CAPN5: variants seen among roughly 807,000 people sequenced by gnomAD.
CAPN5 encodes the protein calpain 5, also known as calpain-5.
In CAPN5, 54 loss-of-function variants were observed where a neutral mutation model predicts 73.0. The observed-to-expected ratio is 0.74, with a 90% CI of 0.59 to 0.93. CAPN5 has a LOEUF of 0.93. CAPN5 is among the 40% of genes least tolerant of loss of function. The probability of loss-of-function intolerance (pLI) is 0.00; values close to 1 mark genes in which losing one functional copy is unlikely to be tolerated. For synonymous variants in CAPN5, 335 were observed against 356.9 expected (o/e 0.94, Z 0.69); for missense variants, 785 against 882.9 (o/e 0.89, Z 1.41).
rs375702967 is a variant in CAPN5 at position 77,122,052 on chromosome 11, G to T, written c.1603+3G>T. ...TGGCCTCAAGGACTCCCCAACAGGTGAGCTCTCCCAGGGAGAGTCCCCCGG... is the reference window on the plus strand; with the variant it reads ...TGGCCTCAAGGACTCCCCAACAGGTTAGCTCTCCCAGGGAGAGTCCCCCGG... On this transcript the variant is annotated splice_donor_region_variant and intron_variant, in intron 11 of 12. Transcript: ENST00000648180. The T allele has an allele frequency of 9.8e-6, 15 of 1,533,996 alleles. 1 individual carries two copies. The Admixed American group carries it at 2.0e-4, about 20-fold the overall frequency.
At chr11:77,088,749 C>T (rs1555036046) in intron 2 of CAPN5, among the ~76,000 whole-genome samples, 2 of 152,110 alleles carry the variant, frequency 1.3e-5, no homozygotes, top group Non-Finnish European at 2.9e-5. Context: ...AGCCCAGGTG[C>T]CATGGATCCA....
chr11:77,079,048 C>T (rs1312032283), intron 1 of CAPN5, among the ~76,000 whole-genome samples: 4 of 152,076 alleles, frequency 2.6e-5, no homozygotes, highest in Admixed American at 2.6e-4. Context: ...TCGTGTATCA[C>T]ATTTATTGAT....
intron 1 of CAPN5, among the ~76,000 whole-genome samples, chr11:77,071,336 G>A (rs782073904): frequency 6.6e-6 from 1 of 152,226 alleles, no homozygotes; most frequent in Non-Finnish European, 1.5e-5. Flanking sequence ...TGGCACAGCC[G>A]CATGGGTGGT....
Position 77,093,816 on chromosome 11 carries a change from G to A in CAPN5, c.297+3G>A, listed in dbSNP as rs782631237. 7.5e-6 allele frequency: 12 copies of A among 1,608,900 alleles called. No homozygotes were observed. Among genetic ancestry groups the A allele is most frequent in the East Asian group, 6.7e-5 (3 of 44,892 alleles). Reference sequence around the variant, plus strand: ...CCCGGGAGTCGCTGTGGCAAAAGGTGAGGCCTCGGGCAGAGTGGGCAGGGT... The same window carrying A: ...CCCGGGAGTCGCTGTGGCAAAAGGTAAGGCCTCGGGCAGAGTGGGCAGGGT... On this transcript the variant is annotated splice_donor_region_variant and intron_variant, in intron 3 of 12. Coordinates refer to ENST00000648180, the MANE Select transcript of CAPN5 (RefSeq NM_004055.5).
intron 3 of CAPN5, among the ~76,000 whole-genome samples, chr11:77,095,183 G>A (rs983026632): frequency 1.3e-5 from 2 of 152,336 alleles, no homozygotes; most frequent in South Asian, 2.1e-4. Context: ...AGAGCCACCC[G>A]TTGGCTCATT....
intron 3 of CAPN5, chr11:77,102,969 A>C (rs781954782): frequency 6.2e-7 from 1 of 1,613,294 alleles, no homozygotes; most frequent in South Asian, 1.1e-5. Context: ...GGATGGGGAG[A>C]AGCTGCTGCA....
At chr11:77,074,922 C>T (rs948974) in intron 1 of CAPN5, among the ~76,000 whole-genome samples, 87,367 of 152,068 alleles carry the variant, frequency 0.57, 25,966 homozygotes, top group Middle Eastern at 0.66. Context: ...TCCCACTCGG[C>T]CCTGGAACCC....
intron 3 of CAPN5, among the ~76,000 whole-genome samples, chr11:77,099,913 C>A (rs1366714599): frequency 1.3e-5 from 2 of 152,136 alleles, no homozygotes; most frequent in Non-Finnish European, 2.9e-5. Flanking sequence ...CACGGCTCAC[C>A]GTAACCTCCA....
At position 77,112,706 on chromosome 11, in the gene CAPN5, C is replaced by G; in HGVS notation, c.415C>G (p.Arg139Gly). The change falls in exon 4 of 13, where the codon CGG (arginine) becomes GGG (glycine). Residue 139 changes from arginine to glycine, a missense_variant. Arg to Gly is a moderately radical substitution (Grantham distance 125, BLOSUM62 -2). Coordinates refer to ENST00000648180, the MANE Select transcript of CAPN5 (RefSeq NM_004055.5). The part of the protein sequence containing the change: ...GEWVDVVIDD[R>G]LPTVNNQLIY... ...ATGGGTGGACGTGGTCATCGATGAC[C>G]GGCTGCCCACAGTCAACAACCAGCT... 4 of 1,614,234 alleles carry G rather than the reference C, an allele frequency of 2.5e-6. No homozygotes were observed. The highest frequency in any genetic ancestry group is 3.4e-6 in the Non-Finnish European group (4 of 1,180,034).
intron 1 of CAPN5, among the ~76,000 whole-genome samples, chr11:77,076,652 A>G (rs1555033955): frequency 6.6e-6 from 1 of 152,190 alleles, no homozygotes; most frequent in Non-Finnish European, 1.5e-5. Context: ...TTCACTTAGT[A>G]TATTGCCTTC....
chr11:77,099,752 G>C (rs1309509536), intron 3 of CAPN5, among the ~76,000 whole-genome samples: 1 of 149,516 alleles, frequency 6.7e-6, no homozygotes, highest in African/African-American at 2.5e-5. Flanking sequence ...AGAGGGAGAC[G>C]GAGAGGGAGA....
chr11:77,105,561 G>C (rs1950337206), intron 3 of CAPN5, among the ~76,000 whole-genome samples: 1 of 152,198 alleles, frequency 6.6e-6, no homozygotes, highest in Non-Finnish European at 1.5e-5. Context: ...GTGGATGGAA[G>C]GGCAGAGTTT....
rs58077755 is a variant in CAPN5 at position 77,097,464 on chromosome 11, GTTTTTTTTTTTTTT to G, written c.297+3663_297+3676del. 2.5e-4 allele frequency among the ~76,000 whole-genome samples: 20 copies of G among 79,740 alleles called. 1 individual carries two copies. The highest frequency in any genetic ancestry group is 9.6e-4 in the African/African-American group (20 of 20,880). The allele number at this position is 79,740 out of a possible 152,430, so 52.3% of individuals were successfully genotyped here. A position where few individuals can be genotyped will look rare whatever the true frequency, so the allele number is the denominator to read the frequency against. ...AAGGGGTTTCCTGTGTTTCCTTCTAGTTTTTTTTTTTTTTTTTTTTTTTTTATTGATAATTCTTG... is the reference window on the plus strand; with the variant it reads ...AAGGGGTTTCCTGTGTTTCCTTCTAGTTTTTTTTTTTATTGATAATTCTTG... On this transcript the variant is annotated intron_variant, in intron 3 of 12. Transcript: ENST00000648180.
chr11:77,102,492 A>C (rs1950295996), intron 3 of CAPN5, among the ~76,000 whole-genome samples: 1 of 152,214 alleles, frequency 6.6e-6, no homozygotes, highest in Non-Finnish European at 1.5e-5. Context: ...AAGTGCTCTC[A>C]TCTTCACAAA....
intron 2 of CAPN5, among the ~76,000 whole-genome samples, chr11:77,088,453 G>A (rs142123909): frequency 6.6e-6 from 1 of 152,314 alleles, no homozygotes; most frequent in Non-Finnish European, 1.5e-5. Context: ...ATGGGGTTCA[G>A]TGGGGTCAGG....
At chr11:77,073,843 G>C (rs1949937548) in intron 1 of CAPN5, among the ~76,000 whole-genome samples, 1 of 152,164 alleles carries the variant, frequency 6.6e-6, no homozygotes, top group Admixed American at 6.5e-5. Flanking sequence ...GGGCCTGGTT[G>C]CCTTGGCTCT....
At chr11:77,110,031 G>A (rs781859471) in intron 3 of CAPN5, among the ~76,000 whole-genome samples, 7 of 152,152 alleles carry the variant, frequency 4.6e-5, no homozygotes, top group East Asian at 1.9e-4. Context: ...CACTCTGTGC[G>A]CTTGGGCAGA....
intron 1 of CAPN5, among the ~76,000 whole-genome samples, chr11:77,077,969 CTT>C (rs1396653351): frequency 3.3e-5 from 5 of 152,134 alleles, no homozygotes; most frequent in Admixed American, 3.3e-4. Context: ...GATATTGACT[CTT>C]GTCAGATGGC....
At chr11:77,093,614 G>GCTCCTCCGCCCCTCACGCTC in intron 2 of CAPN5, 68 bp from the exon 3 acceptor site, 2 of 1,502,392 alleles carry the variant, frequency 1.3e-6, no homozygotes, top group Non-Finnish European at 1.8e-6. Flanking sequence ...TGTCTGTCAT[G>GCTCCTCCGCCCCTCACGCTC]TCTCCTGCCA....
Sources: allele counts gnomAD v4.1 joint callset (sites outside exome capture counted in the v4.1 genomes callset), GRCh38; gene constraint gnomAD v4.1.1; transcripts MANE v1.5; gene names NCBI Gene and HGNC (gene_info 2026-07-23, HGNC 2026-07-21).